The following ANKRD17 variants were observed in gnomAD, a reference collection of about 807,000 sequenced individuals.
ANKRD17 encodes ankyrin repeat domain 17.
Under a neutral mutation model 229.7 loss-of-function variants are expected in ANKRD17, and 19 were observed. The ratio of observed to expected loss-of-function variants is 0.08; its 90% CI spans 0.06 to 0.12. The LOEUF (loss-of-function observed/expected upper bound fraction) is 0.12. Among genes scored for constraint, ANKRD17 ranks in the 10% least tolerant of loss-of-function variants. ANKRD17 has a pLI of 1.00. For missense variants in ANKRD17, 2,176 were observed against 3,176.8 expected, an observed-to-expected ratio of 0.68 and a Z score of 7.57; for synonymous variants, 1,112 against 1,146.1, an observed-to-expected ratio of 0.97 and a Z score of 0.60.
intron 24 of ANKRD17, among the ~76,000 whole-genome samples, chr4:73,104,290 T>C (rs781112773): frequency 2.0e-5 from 3 of 152,074 alleles, no homozygotes; most frequent in Non-Finnish European, 4.4e-5. Flanking sequence ...GGAGGAGTAA[T>C]ATCTGATTGG....
chr4:73,240,806 C>CTTT (rs111961579), intron 1 of ANKRD17, among the ~76,000 whole-genome samples: 21 of 127,042 alleles, frequency 1.7e-4, no homozygotes, highest in Non-Finnish European at 2.2e-4. Context: ...AGTACTTATT[C>CTTT]TTTTTTTTTT....
intron 3 of ANKRD17, among the ~76,000 whole-genome samples, chr4:73,158,849 T>G (rs1476163208): frequency 1.3e-5 from 2 of 152,252 alleles, no homozygotes; most frequent in Admixed American, 1.3e-4. Context: ...CTGTGCTGCC[T>G]CAGGGCTCTG....
At chr4:73,238,915 T>A (rs1287791001) in intron 1 of ANKRD17, among the ~76,000 whole-genome samples, 2 of 152,118 alleles carry the variant, frequency 1.3e-5, no homozygotes, top group Non-Finnish European at 2.9e-5. Context: ...TTTTTTCAAC[T>A]ACAAAGTGTA....
intron 1 of ANKRD17, chr4:73,222,974 C>T: frequency 1.3e-6 from 2 of 1,533,542 alleles, no homozygotes; most frequent in Non-Finnish European, 1.7e-6. Flanking sequence ...CTAGCCCTAC[C>T]TCAAGAATGT....
chr4:73,218,222 A>G (rs1158318032), intron 1 of ANKRD17, among the ~76,000 whole-genome samples: 7 of 152,226 alleles, frequency 4.6e-5, no homozygotes, highest in African/African-American at 1.4e-4. Flanking sequence ...CAGAATGCAT[A>G]AGGGATATCC....
At chr4:73,154,624 T>G (rs1731402575) in intron 5 of ANKRD17, among the ~76,000 whole-genome samples, 1 of 152,188 alleles carries the variant, frequency 6.6e-6, no homozygotes, top group Admixed American at 6.5e-5. Context: ...GAATTTGAAT[T>G]CAATAATTTC....
intron 1 of ANKRD17, among the ~76,000 whole-genome samples, chr4:73,189,298 C>T (rs1397455480): frequency 6.6e-6 from 1 of 151,544 alleles, no homozygotes; most frequent in Non-Finnish European, 1.5e-5. Flanking sequence ...ATAGAGAACA[C>T]TAAGAAATAT....
intron 19 of ANKRD17, 36 bp downstream of exon 19, chr4:73,121,581 T>C: frequency 1.2e-6 from 2 of 1,611,306 alleles, no homozygotes; most frequent in South Asian, 1.1e-5. Context: ...ACAGTCTTAC[T>C]AAATAAGGGG....
At chr4:73,222,202 A>C (rs1193306074) in intron 1 of ANKRD17, among the ~76,000 whole-genome samples, 2 of 152,178 alleles carry the variant, frequency 1.3e-5, no homozygotes, top group Non-Finnish European at 2.9e-5. Flanking sequence ...AAATACCTAT[A>C]CCTATAAATA....
chr4:73,219,287 T>C (rs1180444183), intron 1 of ANKRD17, among the ~76,000 whole-genome samples: 2 of 152,198 alleles, frequency 1.3e-5, no homozygotes, highest in South Asian at 2.1e-4. Context: ...TGGTATAGTA[T>C]AGAAATGATG....
chr4:73,191,341 A>ATG (rs71655741), intron 1 of ANKRD17, among the ~76,000 whole-genome samples: 21,837 of 125,124 alleles, frequency 0.17, 1,867 homozygotes, highest in Non-Finnish European at 0.2. Flanking sequence ...AAAAATATAT[A>ATG]TGTGTGTGTG....
At chr4:73,128,635 C>CA (rs1173722686) in intron 16 of ANKRD17, among the ~76,000 whole-genome samples, 4 of 152,078 alleles carry the variant, frequency 2.6e-5, no homozygotes, top group East Asian at 1.9e-4. Context: ...ATACAGGACT[C>CA]AAAGAAGCTT....
chr4:73,108,187 AG>A (rs776911834), intron 24 of ANKRD17, among the ~76,000 whole-genome samples: 1 of 152,148 alleles, frequency 6.6e-6, no homozygotes, highest in Non-Finnish European at 1.5e-5. Flanking sequence ...AGAGAAATTA[AG>A]GATGATTTCA....
At chr4:73,170,623 C>G (rs905941916) in intron 2 of ANKRD17, among the ~76,000 whole-genome samples, 8 of 151,848 alleles carry the variant, frequency 5.3e-5, no homozygotes, top group African/African-American at 1.9e-4. Flanking sequence ...CTGGAGCTGT[C>G]CTGGGAGAGA....
intron 1 of ANKRD17, among the ~76,000 whole-genome samples, chr4:73,211,060 CA>C (rs1373973203): frequency 6.6e-6 from 1 of 151,962 alleles, no homozygotes; most frequent in Non-Finnish European, 1.5e-5. Flanking sequence ...TACCTAAATA[CA>C]TAGATGACTT....
intron 16 of ANKRD17, among the ~76,000 whole-genome samples, chr4:73,125,896 C>CA (rs1362981887): frequency 2.6e-5 from 4 of 152,084 alleles, no homozygotes; most frequent in Non-Finnish European, 5.9e-5. Context: ...CTTTTGCTTT[C>CA]AGCCATTAAT....
intron 24 of ANKRD17, chr4:73,112,894 T>C (rs1725489264): frequency 1.8e-5 from 5 of 280,002 alleles, no homozygotes; most frequent in Non-Finnish European, 2.7e-5. Context: ...TTCAAGTGAT[T>C]CTCCTGCCTC....
chr4:73,086,324 G>C (rs1722120119), intron 29 of ANKRD17, among the ~76,000 whole-genome samples: 1 of 151,866 alleles, frequency 6.6e-6, no homozygotes, highest in African/African-American at 2.4e-5. Context: ...TTGTGAGAGA[G>C]AAAAAGAAGA....
chr4:73,223,477 C>T (rs1413063867), intron 1 of ANKRD17, among the ~76,000 whole-genome samples: 1 of 152,004 alleles, frequency 6.6e-6, no homozygotes, highest in Non-Finnish European at 1.5e-5. Flanking sequence ...ATGATAATGC[C>T]AAGTTAGAAA....
Sources: allele counts gnomAD v4.1 joint callset (sites outside exome capture counted in the v4.1 genomes callset), GRCh38; gene constraint gnomAD v4.1.1; transcripts MANE v1.5; gene names NCBI Gene and HGNC (gene_info 2026-07-23, HGNC 2026-07-21).